Variants in RCAN1 observed in about 807,000 individuals in gnomAD.
RCAN1 encodes the protein calcipressin-1.
Under a neutral mutation model 22.9 loss-of-function variants are expected in RCAN1, and 11 were observed. That is an observed-to-expected ratio of 0.48 (90% CI 0.30 to 0.79). The LOEUF is 0.79. Among genes scored for constraint, RCAN1 ranks in the 30% least tolerant of loss-of-function variants. The probability of loss-of-function intolerance (pLI) is 0.06; values close to 1 mark genes in which losing one functional copy is unlikely to be tolerated. For synonymous variants in RCAN1, 136 were observed against 142.3 expected (o/e 0.96, Z 0.32); for missense variants, 291 against 337.8 (o/e 0.86, Z 1.09).
intron 1 of RCAN1, among the ~76,000 whole-genome samples, chr21:34,565,257 C>T (rs1986961627): frequency 6.6e-6 from 1 of 152,202 alleles, no homozygotes; most frequent in Admixed American, 6.5e-5. Flanking sequence ...CCACTTCATT[C>T]TTCTAGTAAT....
At chr21:34,592,633 A>G (rs1007830579) in intron 1 of RCAN1, among the ~76,000 whole-genome samples, 3 of 152,126 alleles carry the variant, frequency 2.0e-5, no homozygotes, top group Non-Finnish European at 4.4e-5. Flanking sequence ...CCGGGACTCC[A>G]GTCTATAAGA....
At chr21:34,543,322 G>C (rs1985999430) in intron 1 of RCAN1, among the ~76,000 whole-genome samples, 1 of 152,190 alleles carries the variant, frequency 6.6e-6, no homozygotes. Context: ...TTTATAAGCA[G>C]GATATGGCAG....
At chr21:34,525,404 G>C (rs1377723306) in intron 1 of RCAN1, 1 of 1,435,170 alleles carries the variant, frequency 7.0e-7, no homozygotes, top group Admixed American at 2.8e-5. Context: ...CTGGCGGACG[G>C]TAGAGTTCAT....
At chr21:34,580,342 G>A (rs942140304) in intron 1 of RCAN1, among the ~76,000 whole-genome samples, 1 of 152,252 alleles carries the variant, frequency 6.6e-6, no homozygotes, top group Non-Finnish European at 1.5e-5. Context: ...TGGAAAGAAT[G>A]ACAGTGTGTC....
chr21:34,545,094 GA>G (rs1045710256), intron 1 of RCAN1, among the ~76,000 whole-genome samples: 1 of 152,186 alleles, frequency 6.6e-6, no homozygotes, highest in African/African-American at 2.4e-5. Flanking sequence ...GTGCGGGCTG[GA>G]CCAGCCTTCT....
intron 1 of RCAN1, among the ~76,000 whole-genome samples, chr21:34,558,508 G>C (rs1235955263): frequency 6.6e-6 from 1 of 152,232 alleles, no homozygotes; most frequent in Non-Finnish European, 1.5e-5. Context: ...CATTGTTTAA[G>C]AAGGCAGGGT....
intron 1 of RCAN1, among the ~76,000 whole-genome samples, chr21:34,566,955 T>A (rs9983935): frequency 0.23 from 34,299 of 152,016 alleles, 4,205 homozygotes; most frequent in African/African-American, 0.29. Flanking sequence ...ATCTACCCCC[T>A]TGACCCAAAC....
Position 34,614,506 on chromosome 21 carries a change from G to C in RCAN1, c.252+254C>G. ...CCCCCCTAGTCGCACCAGCCTGGGC[G>C]CACACGGGGGCCGGGGCGAGCCTGT... On this transcript the variant is annotated intron_variant, in intron 1 of 3. Transcript: ENST00000313806. The surrounding 1 kb of genome is among the most constrained non-coding windows in gnomAD (Gnocchi z 6.0). The C allele has an allele frequency of 9.6e-7, 1 of 1,041,798 alleles. No homozygotes were observed. Among genetic ancestry groups the C allele is most frequent in the Admixed American group, 5.5e-5 (1 of 18,142 alleles). 64.5% of individuals were successfully genotyped at this position (1,041,798 alleles called of 1,614,324 possible). A position where few individuals can be genotyped will look rare whatever the true frequency, so the allele number is the denominator to read the frequency against.
intron 1 of RCAN1, among the ~76,000 whole-genome samples, chr21:34,543,644 C>T (rs931313679): frequency 6.6e-6 from 1 of 152,226 alleles, no homozygotes; most frequent in Non-Finnish European, 1.5e-5. Flanking sequence ...TATAGAACAT[C>T]CAGCAGCTAG....
At chr21:34,520,304 G>A (rs1257298113) in intron 3 of RCAN1, among the ~76,000 whole-genome samples, 1 of 152,104 alleles carries the variant, frequency 6.6e-6, no homozygotes, top group Non-Finnish European at 1.5e-5. Flanking sequence ...TTTGCAAGTG[G>A]AGACCCTGTT....
Position 34,614,462 on chromosome 21 carries a change from A to G in RCAN1, c.252+298T>C, listed in dbSNP as rs2123743288. On this transcript the variant is annotated intron_variant, in intron 1 of 3. Transcript: ENST00000313806. The surrounding 1 kb of genome is among the most constrained non-coding windows in gnomAD (Gnocchi z 6.0). ...GCGCAGGGGGCGGCGGCGCTGCCCCACCTTGGGGAGCGAATTCACCCCCCT... is the reference window on the plus strand; with the variant it reads ...GCGCAGGGGGCGGCGGCGCTGCCCCGCCTTGGGGAGCGAATTCACCCCCCT... 2.9e-6 allele frequency: 3 copies of G among 1,019,182 alleles called. No homozygotes were observed. Among genetic ancestry groups the G allele is most frequent in the Non-Finnish European group, 3.5e-6 (3 of 852,754 alleles). The allele number at this position is 1,019,182 out of a possible 1,614,324, so 63.1% of individuals were successfully genotyped here. A position where few individuals can be genotyped will look rare whatever the true frequency, so the allele number is the denominator to read the frequency against.
In RCAN1 at chr21:34,518,276, G is replaced by C. The variant is rs757903016; in HGVS notation, c.587-20C>G. The C allele has an allele frequency of 2.4e-5, 39 of 1,611,738 alleles. No homozygotes were observed. The highest frequency in any genetic ancestry group is 3.2e-5 in the Non-Finnish European group (38 of 1,178,710). ...TTTCCCCTAAGGAGGGAAAATAATCGCAGGGTCACTCAGACAAGTCCTTGG... is the reference window on the plus strand; with the variant it reads ...TTTCCCCTAAGGAGGGAAAATAATCCCAGGGTCACTCAGACAAGTCCTTGG... On this transcript the variant is annotated intron_variant, in intron 3 of 3. Coordinates refer to ENST00000313806, the MANE Select transcript of RCAN1 (RefSeq NM_004414.7). The surrounding 1 kb of genome is among the most constrained non-coding windows in gnomAD (Gnocchi z 4.2).
At chr21:34,530,278 G>T (rs1172387195) in intron 1 of RCAN1, among the ~76,000 whole-genome samples, 3 of 152,140 alleles carry the variant, frequency 2.0e-5, no homozygotes, top group Non-Finnish European at 4.4e-5. Context: ...ACCTGCATTT[G>T]CCTCCTCTGG....
chr21:34,589,747 A>G (rs1261043810), intron 1 of RCAN1, among the ~76,000 whole-genome samples: 1 of 151,996 alleles, frequency 6.6e-6, no homozygotes, highest in Non-Finnish European at 1.5e-5. Context: ...CGCCTGCCTG[A>G]GCTGGGACAG....
chr21:34,600,097 C>T (rs1988284279), intron 1 of RCAN1, among the ~76,000 whole-genome samples: 2 of 152,160 alleles, frequency 1.3e-5, no homozygotes, highest in Admixed American at 1.3e-4. Flanking sequence ...AATCTTCAGT[C>T]CCCTGGTACC....
At chr21:34,555,436 G>A (rs1162839917) in intron 1 of RCAN1, among the ~76,000 whole-genome samples, 3 of 151,980 alleles carry the variant, frequency 2.0e-5, no homozygotes, top group Non-Finnish European at 2.9e-5. Context: ...TGATTGGCAG[G>A]GTGGCTCATG....
chr21:34,614,829 C>T lies in RCAN1; in HGVS notation c.183G>A (p.Leu61=). ...CGATGGTGGCGCTGGGCAGGTCCTG[C>T]AGGTCCACCTCCTCCATCTCGCAGT... The part of the protein sequence containing the change: ...FIDCEMEEVD[L]QDLPSATIAC... The change falls in exon 1 of 4, where the codon CTG becomes CTA. Residue 61 remains leucine, a synonymous_variant. Transcript: ENST00000313806. This position sits in a 1 kb window ranked among gnomAD's most constrained non-coding sequence, Gnocchi z 6.0. 4.7e-6 allele frequency: 7 copies of T among 1,491,088 alleles called. No homozygotes were observed. The highest frequency in any genetic ancestry group is 4.4e-5 in the African/African-American group (3 of 68,680). The allele number at this position is 1,491,088 out of a possible 1,614,324, so 92.4% of individuals were successfully genotyped here.
chr21:34,546,098 A>G (rs937314909), intron 1 of RCAN1, among the ~76,000 whole-genome samples: 8 of 152,286 alleles, frequency 5.3e-5, no homozygotes, highest in Non-Finnish European at 8.8e-5. Context: ...TCAGAGATAC[A>G]ACATGCTGTT....
At chr21:34,595,721 C>T (rs1043623136) in intron 1 of RCAN1, among the ~76,000 whole-genome samples, 21 of 152,336 alleles carry the variant, frequency 1.4e-4, no homozygotes, top group African/African-American at 3.6e-4. Flanking sequence ...CTGCCTTCGC[C>T]GGCCACTGGA....
Sources: gnomAD v4.1 joint callset for allele counts (sites outside exome capture counted in the v4.1 genomes callset) on GRCh38, gnomAD v4.1.1 for gene constraint, Gnocchi (gnomAD v3.1) non-coding constraint, MANE v1.5 for transcripts, NCBI Gene and HGNC (gene_info 2026-07-23, HGNC 2026-07-21) for gene names.